MAGI2: variants seen among roughly 807,000 people sequenced by gnomAD.
The protein encoded by MAGI2 is membrane associated guanylate kinase, WW and PDZ domain containing 2, also known as membrane-associated guanylate kinase, WW and PDZ domain-containing protein 2.
In MAGI2, 35 loss-of-function variants were observed where a neutral mutation model predicts 133.3. The observed-to-expected ratio is 0.26, with a 90% CI of 0.20 to 0.35. MAGI2 has a LOEUF of 0.35. Ranked by LOEUF, MAGI2 falls within the 10% of genes least tolerant of loss-of-function variation. MAGI2 has a pLI of 1.00. For missense variants in MAGI2, 1,636 were observed against 1,863.4 expected, an observed-to-expected ratio of 0.88 and a Z score of 2.25; for synonymous variants, 729 against 710.6, an observed-to-expected ratio of 1.03 and a Z score of -0.41.
chr7:78,744,815 A>T (rs867192425), intron 2 of MAGI2, among the ~76,000 whole-genome samples: 18 of 152,240 alleles, frequency 1.2e-4, no homozygotes, highest in Admixed American at 7.2e-4. Flanking sequence ...AATAGAAAAA[A>T]TAGACATGCA....
chr7:78,301,787 A>T (rs1041525350), intron 9 of MAGI2, among the ~76,000 whole-genome samples: 1 of 152,178 alleles, frequency 6.6e-6, no homozygotes, highest in Non-Finnish European at 1.5e-5. Context: ...CTATGCTTGT[A>T]CATATAGAGT....
chr7:79,017,529 G>A (rs989552350), intron 1 of MAGI2, among the ~76,000 whole-genome samples: 5 of 152,162 alleles, frequency 3.3e-5, no homozygotes, highest in African/African-American at 1.2e-4. Context: ...AGCCAAAGTG[G>A]CTTCTTACCT....
chr7:78,882,565 G>T (rs1332310304), intron 2 of MAGI2, among the ~76,000 whole-genome samples: 6 of 151,902 alleles, frequency 3.9e-5, no homozygotes, highest in Admixed American at 3.9e-4. Context: ...AATGAAAAAA[G>T]AAAACTATAG....
chr7:78,417,878 T>A (rs1327004396), intron 6 of MAGI2, among the ~76,000 whole-genome samples: 3 of 152,184 alleles, frequency 2.0e-5, no homozygotes, highest in Non-Finnish European at 2.9e-5. Flanking sequence ...AATTAGGATG[T>A]GTCCCCATTG....
At chr7:78,521,366 T>C in intron 4 of MAGI2, 64 bp downstream of exon 4, 1 of 1,137,088 alleles carries the variant, frequency 8.8e-7, no homozygotes, top group Non-Finnish European at 1.3e-6. Flanking sequence ...TGTATATGTG[T>C]ACATATATAT....
chr7:78,040,412 C>T (rs376320310), intron 21 of MAGI2, among the ~76,000 whole-genome samples: 267 of 152,314 alleles, frequency 1.8e-3, no homozygotes, highest in Middle Eastern at 6.8e-3. Flanking sequence ...CTCACATTCC[C>T]GCGGGTTCCC....
intron 20 of MAGI2, among the ~76,000 whole-genome samples, chr7:78,106,586 T>C (rs1403931704): frequency 6.6e-6 from 1 of 152,192 alleles, no homozygotes; most frequent in Non-Finnish European, 1.5e-5. Flanking sequence ...GTAGGTTTGA[T>C]TTGCATTTCT....
intron 2 of MAGI2, among the ~76,000 whole-genome samples, chr7:78,776,861 G>A (rs1563492705): frequency 6.6e-6 from 1 of 152,128 alleles, no homozygotes; most frequent in Admixed American, 6.5e-5. Flanking sequence ...ATCCTAACAG[G>A]TAAAGATTCT....
chr7:79,446,736 G>A, intron 1 of MAGI2, among the ~76,000 whole-genome samples: 1 of 152,142 alleles, frequency 6.6e-6, no homozygotes, highest in East Asian at 1.9e-4. Flanking sequence ...GGATCACGAG[G>A]TCAGGAGATC....
At chr7:78,141,120 C>T (rs1056794014) in intron 16 of MAGI2, among the ~76,000 whole-genome samples, 3 of 151,948 alleles carry the variant, frequency 2.0e-5, no homozygotes, top group Non-Finnish European at 2.9e-5. Context: ...AGGAGGTTTG[C>T]GGGGAGACAA....
intron 6 of MAGI2, among the ~76,000 whole-genome samples, chr7:78,432,831 CA>C (rs1489801260): frequency 1.3e-5 from 2 of 151,896 alleles, no homozygotes; most frequent in African/African-American, 4.8e-5. Flanking sequence ...ACTTAATATG[CA>C]TATATAAAGC....
In MAGI2 at chr7:78,812,582, A is replaced by ATGTGTG. The variant is rs879528443; in HGVS notation, c.419-185344_419-185343insCACACA. Among the ~76,000 whole-genome samples, 12 of 82,492 alleles carry ATGTGTG rather than the reference A, an allele frequency of 1.5e-4. No individual in the cohort carries two copies. The East Asian group carries it at 2.5e-3, about 17-fold the overall frequency. The allele number at this position is 82,492 out of a possible 152,430, so 54.1% of individuals were successfully genotyped here. On this transcript the variant is annotated intron_variant, in intron 2 of 21. Transcript: ENST00000354212. ...TACAGTTATCTACCTACATATATGT[A>ATGTGTG]TGTATGTGTGTGTGTGTGTGTGTGT...
At chr7:78,865,706 G>A (rs1481178080) in intron 2 of MAGI2, among the ~76,000 whole-genome samples, 1 of 152,180 alleles carries the variant, frequency 6.6e-6, no homozygotes, top group East Asian at 1.9e-4. Flanking sequence ...ATTTTGTTAT[G>A]AAGAATGGGA....
At chr7:79,011,884 T>C (rs7795421) in intron 1 of MAGI2, among the ~76,000 whole-genome samples, 49,456 of 101,144 alleles carry the variant, frequency 0.49, 12,612 homozygotes, top group East Asian at 0.55. Context: ...TTCCTTCCTT[T>C]CTTCCTTCCT....
intron 6 of MAGI2, among the ~76,000 whole-genome samples, chr7:78,441,633 G>C (rs1247859105): frequency 7.2e-6 from 1 of 138,138 alleles, no homozygotes; most frequent in Non-Finnish European, 1.5e-5. Context: ...ATGGAATTCA[G>C]TTCTCTTTCT....
At chr7:78,193,561 CA>C (rs762122523) in intron 12 of MAGI2, among the ~76,000 whole-genome samples, 48 of 152,118 alleles carry the variant, frequency 3.2e-4, no homozygotes, top group Non-Finnish European at 1.3e-4. Context: ...GAAATCTTTT[CA>C]ATTTTTTTTC....
chr7:79,046,941 G>T (rs1056458191), intron 1 of MAGI2, among the ~76,000 whole-genome samples: 2 of 152,166 alleles, frequency 1.3e-5, no homozygotes, highest in African/African-American at 2.4e-5. Flanking sequence ...CTGAGGTCTT[G>T]TATCTAGATT....
At chr7:78,856,943 A>G (rs563336523) in intron 2 of MAGI2, among the ~76,000 whole-genome samples, 19 of 152,256 alleles carry the variant, frequency 1.2e-4, no homozygotes, top group Middle Eastern at 6.8e-3. Context: ...AGTGGTTTGT[A>G]GTTCTCCTTG....
In MAGI2 at chr7:78,428,869, C is replaced by T. The variant is rs181446393; in HGVS notation, c.1046-59656G>A. Among the ~76,000 whole-genome samples, 21 of 152,290 alleles carry T rather than the reference C, an allele frequency of 1.4e-4. 1 individual carries two copies. The East Asian group carries it at 3.9e-3, about 28-fold the overall frequency. The stretch of plus-strand genomic sequence containing the variant: ...TCCAAGGGACAAGTGATTCAAGCTT[C>T]AGAGACACAGTAGCTTAGTTCAGCT... On this transcript the variant is annotated intron_variant, in intron 6 of 21. Transcript: ENST00000354212.
Sources: allele counts gnomAD v4.1 joint callset (sites outside exome capture counted in the v4.1 genomes callset), GRCh38; gene constraint gnomAD v4.1.1; transcripts MANE v1.5; gene names NCBI Gene and HGNC (gene_info 2026-07-23, HGNC 2026-07-21).